MYO7B: variants seen among roughly 807,000 people sequenced by gnomAD.
MYO7B encodes myosin VIIB.
MYO7B carries 212 observed loss-of-function variants against 259.7 expected under a neutral mutation model. The observed-to-expected ratio is 0.82, with a 90% CI of 0.73 to 0.91. The LOEUF (loss-of-function observed/expected upper bound fraction) is 0.91. Among genes scored for constraint, MYO7B ranks in the 40% least tolerant of loss-of-function variants. The pLI is 0.00. For synonymous variants in MYO7B, 1,197 were observed against 1,166.4 expected (o/e 1.03, Z -0.54); for missense variants, 2,732 against 2,813.5 (o/e 0.97, Z 0.66).
intron 2 of MYO7B, among the ~76,000 whole-genome samples, chr2:127,563,676 G>T (rs1678199495): frequency 6.6e-6 from 1 of 152,126 alleles, no homozygotes; most frequent in East Asian, 1.9e-4. Flanking sequence ...TCTCTTTCTG[G>T]AACCTACAGC....
intron 1 of MYO7B, among the ~76,000 whole-genome samples, chr2:127,557,104 G>T (rs965441620): frequency 6.6e-6 from 1 of 151,990 alleles, no homozygotes; most frequent in Non-Finnish European, 1.5e-5. Flanking sequence ...CTTTGTCTTT[G>T]TTGAATTGAG....
rs1168053510 is a variant in MYO7B at position 127,637,478 on chromosome 2, C to A, written c.*61C>A. 2 of 1,263,528 alleles carry A rather than the reference C, an allele frequency of 1.6e-6. No homozygotes were observed. The highest frequency in any genetic ancestry group is 5.6e-5 in the Admixed American group (2 of 35,454). 78.3% of individuals were successfully genotyped at this position (1,263,528 alleles called of 1,614,324 possible). On this transcript the variant is annotated 3_prime_UTR_variant, in exon 48 of 48. Transcript: ENST00000409816. ...CCGACCTCTAGCCTGGCGGCACCTT[C>A]CCAGGCCCTCTCAACCCAGGGCCTG...
intron 39 of MYO7B, among the ~76,000 whole-genome samples, chr2:127,633,022 T>TGGCCC (rs1169302165): frequency 6.6e-6 from 1 of 152,236 alleles, no homozygotes; most frequent in African/African-American, 2.4e-5. Context: ...GCCCCTGGCC[T>TGGCCC]GGCCCTTCCC....
intron 16 of MYO7B, among the ~76,000 whole-genome samples, chr2:127,592,287 C>T (rs563421673): frequency 1.0e-3 from 158 of 152,212 alleles, no homozygotes; most frequent in Non-Finnish European, 1.5e-3. Flanking sequence ...CCCAGCTACT[C>T]GGGAGGCTGA....
At chr2:127,635,671 C>T (rs1376528999) in intron 43 of MYO7B, 51 bp from the exon 44 acceptor site, 32 of 1,530,030 alleles carry the variant, frequency 2.1e-5, no homozygotes, top group Admixed American at 5.9e-5. Context: ...AGGTTGGGGG[C>T]GGGTGGGCCG....
intron 36 of MYO7B, 94 bp downstream of exon 36, chr2:127,631,002 A>AG: frequency 7.2e-7 from 1 of 1,390,352 alleles, no homozygotes; most frequent in Non-Finnish European, 9.7e-7. Flanking sequence ...GCTCCACCTC[A>AG]TTGCACCCAC....
intron 19 of MYO7B, among the ~76,000 whole-genome samples, chr2:127,602,124 A>G (rs1679984190): frequency 6.6e-6 from 1 of 151,078 alleles, no homozygotes; most frequent in South Asian, 2.1e-4. Context: ...TAAGTATTTC[A>G]TTTTGATTTA....
At chr2:127,633,441 T>C in intron 40 of MYO7B, 78 bp downstream of exon 40, 1 of 1,408,526 alleles carries the variant, frequency 7.1e-7, no homozygotes, top group Non-Finnish European at 9.9e-7. Context: ...TGGCCCAGCC[T>C]GCTCCTTGGT....
chr2:127,605,044 A>G (rs1420621187), intron 19 of MYO7B, among the ~76,000 whole-genome samples: 1 of 152,348 alleles, frequency 6.6e-6, no homozygotes, highest in East Asian at 1.9e-4. Flanking sequence ...TTCTAAAAAC[A>G]CAATATCTGC....
rs575667072 is a variant in MYO7B, at chr2:127,636,456, G to A, written c.6124-89G>A. 287 of 1,429,302 alleles carry A rather than the reference G, an allele frequency of 2.0e-4. 3 individuals carry two copies. The South Asian group carries it at 3.2e-3, about 16-fold the overall frequency. 88.5% of individuals were successfully genotyped at this position (1,429,302 alleles called of 1,614,324 possible). A position where few individuals can be genotyped will look rare whatever the true frequency, so the allele number is the denominator to read the frequency against. ...GAGGCTGGAGGGCGTGGGTGTATGTGTGTATGTGCGTGTGGCCTAGATGAG... is the reference window on the plus strand; with the variant it reads ...GAGGCTGGAGGGCGTGGGTGTATGTATGTATGTGCGTGTGGCCTAGATGAG... On this transcript the variant is annotated intron_variant, in intron 45 of 47. Coordinates refer to ENST00000409816, the MANE Select transcript of MYO7B (RefSeq NM_001393586.1). This position sits in a 1 kb window ranked among gnomAD's most constrained non-coding sequence, Gnocchi z 4.5.
At chr2:127,581,374 C>T (rs1679092366) in intron 10 of MYO7B, among the ~76,000 whole-genome samples, 1 of 152,174 alleles carries the variant, frequency 6.6e-6, no homozygotes. Flanking sequence ...CCCCACGTCA[C>T]CCCCATTGAC....
At chr2:127,573,697 G>A (rs770698579) in intron 6 of MYO7B, among the ~76,000 whole-genome samples, 4 of 152,144 alleles carry the variant, frequency 2.6e-5, no homozygotes, top group East Asian at 1.9e-4. Flanking sequence ...AGATTTCTGC[G>A]TCTGCAAGCA....
At chr2:127,618,295 GAA>G (rs1473262395) in intron 26 of MYO7B, among the ~76,000 whole-genome samples, 1 of 152,104 alleles carries the variant, frequency 6.6e-6, no homozygotes, top group Non-Finnish European at 1.5e-5. Flanking sequence ...TAAAACAAAA[GAA>G]ACTGTTTTAA....
rs1401146886 is a variant in MYO7B, at chr2:127,625,513, T to A, written c.4193T>A (p.Leu1398His). The change falls in exon 31 of 48, where the codon CTC (leucine) becomes CAC (histidine). Residue 1398 changes from leucine to histidine, a missense_variant. Transcript: ENST00000409816. ...RTKPPDRWASLVTAACAKAPY... is the reference protein window; with the variant it reads ...RTKPPDRWASHVTAACAKAPY... ...AAGCCCCCAGACAGGTGGGCGAGCC[T>A]CGTCACTGCCGCCTGCGCCAAGGTC... 1 of 1,605,512 alleles carries A rather than the reference T, an allele frequency of 6.2e-7. No individual in the cohort carries two copies. Among genetic ancestry groups the A allele is most frequent in the Non-Finnish European group, 8.5e-7 (1 of 1,176,596 alleles).
intron 18 of MYO7B, among the ~76,000 whole-genome samples, chr2:127,594,704 G>A (rs1342343195): frequency 1.3e-5 from 2 of 152,086 alleles, no homozygotes; most frequent in African/African-American, 2.4e-5. Flanking sequence ...TTTCATCAAA[G>A]GCCTTTTCTG....
chr2:127,574,246 C>T (rs773276270), intron 7 of MYO7B, among the ~76,000 whole-genome samples, 184 bp downstream of exon 7: 2 of 152,160 alleles, frequency 1.3e-5, no homozygotes, highest in Non-Finnish European at 2.9e-5. Flanking sequence ...GAAATTTTTC[C>T]ATTTTGAGCA....
Position 127,605,836 on chromosome 2 carries a change from C to T in MYO7B, c.2340-8C>T, listed in dbSNP as rs1445956603. The T allele has an allele frequency of 3.1e-6, 5 of 1,612,954 alleles. No homozygotes were observed. The Admixed American group carries it at 8.3e-5, about 27-fold the overall frequency. On this transcript the variant is annotated splice_region_variant and splice_polypyrimidine_tract_variant and intron_variant, in intron 19 of 47. Transcript: ENST00000409816. ...GTTACATGTGTGTGGCTTGCATTGC[C>T]CTTCTAGGAAGGAGTTCCTGAGGCA...
At chr2:127,621,271 T>TG (rs1365461563) in intron 27 of MYO7B, among the ~76,000 whole-genome samples, 27 of 151,006 alleles carry the variant, frequency 1.8e-4, no homozygotes, top group Middle Eastern at 3.4e-3. Flanking sequence ...TTTTGTTTTT[T>TG]TTTTTTTTTT....
intron 1 of MYO7B, among the ~76,000 whole-genome samples, chr2:127,545,000 C>T (rs981061684): frequency 1.3e-5 from 2 of 152,196 alleles, no homozygotes; most frequent in African/African-American, 4.8e-5. Context: ...GCTGGGATTA[C>T]AGGTGTGAGC....
Sources: gnomAD v4.1 joint callset for allele counts (sites outside exome capture counted in the v4.1 genomes callset) on GRCh38, gnomAD v4.1.1 for gene constraint, Gnocchi (gnomAD v3.1) non-coding constraint, MANE v1.5 for transcripts, NCBI Gene and HGNC (gene_info 2026-07-23, HGNC 2026-07-21) for gene names.